ZNF197: variants seen among roughly 807,000 people sequenced by gnomAD.
The protein encoded by ZNF197 is VHL-associated KRAB-A domain-containing protein.
A neutral mutation model predicts 27.4 loss-of-function variants in ZNF197; 14 were observed. That is an observed-to-expected ratio of 0.51 (90% CI 0.34 to 0.80). The LOEUF is 0.80. Ranked by LOEUF, ZNF197 falls within the 30% of genes least tolerant of loss-of-function variation. ZNF197 has a pLI of 0.02. For synonymous variants in ZNF197, 415 were observed against 420.0 expected (o/e 0.99, Z 0.15); for missense variants, 1,090 against 1,222.6 (o/e 0.89, Z 1.62).
At position 44,646,405 on chromosome 3, in the gene ZNF197, C is replaced by T. The variant is rs1224027071; in HGVS notation, c.*2185C>T. The stretch of plus-strand genomic sequence containing the variant: ...GTCACATTGCTTAGATTGAGACAGC[C>T]CACATAATGTGCCACCTTCTGTGAT... On this transcript the variant is annotated 3_prime_UTR_variant, in exon 6 of 6. Coordinates refer to ENST00000344387, the MANE Select transcript of ZNF197 (RefSeq NM_006991.5). 1.2e-6 allele frequency: 2 copies of T among 1,602,920 alleles called. No individual in the cohort carries two copies. Among genetic ancestry groups the T allele is most frequent in the Non-Finnish European group, 1.7e-6 (2 of 1,174,862 alleles).
At chr3:44,630,405 TG>T (rs1701916901) in intron 2 of ZNF197, among the ~76,000 whole-genome samples, 1 of 152,192 alleles carries the variant, frequency 6.6e-6, no homozygotes, top group African/African-American at 2.4e-5. Flanking sequence ...CTCATGTGTG[TG>T]AGATTTCTTT....
chr3:44,638,894 T>A (rs939515535), intron 5 of ZNF197, among the ~76,000 whole-genome samples: 1 of 152,176 alleles, frequency 6.6e-6, no homozygotes, highest in African/African-American at 2.4e-5. Context: ...TATTTTTTTC[T>A]GTAAAGACAG....
At position 44,629,204 on chromosome 3, in the gene ZNF197, T is replaced by A; in HGVS notation, c.50T>A (p.Val17Glu). 1 of 1,613,814 alleles carries A rather than the reference T, an allele frequency of 6.2e-7. No homozygotes were observed. The highest frequency in any genetic ancestry group is 8.5e-7 in the Non-Finnish European group (1 of 1,179,896). ...AATGCTCTGAGACAAGAGGGCCTTG[T>A]GAAGGGGAAGGATGATACCTGGAAA... is the stretch of plus-strand genomic sequence containing the variant. ...AHNALRQEGL[V>E]KGKDDTWKWG... The change falls in exon 2 of 6, where the codon GTG (valine) becomes GAG (glutamate). Residue 17 changes from valine (V) to glutamate (E), a missense_variant. Val to Glu is a moderately radical substitution (Grantham distance 121). Coordinates refer to ENST00000344387, the MANE Select transcript of ZNF197 (RefSeq NM_006991.5).
rs1413201294 is a variant in ZNF197 at position 44,645,740 on chromosome 3, G to A, written c.*1520G>A. The A allele has an allele frequency of 1.0e-6, 1 of 985,246 alleles. No homozygotes were observed. The highest frequency in any genetic ancestry group is 6.1e-5 in the Admixed American group (1 of 16,270). 61.0% of individuals were successfully genotyped at this position (985,246 alleles called of 1,614,324 possible). A position where few individuals can be genotyped will look rare whatever the true frequency, so the allele number is the denominator to read the frequency against. The stretch of plus-strand genomic sequence containing the variant: ...CCTGTTACTAATGAAACAACATTCT[G>A]TCCCAGCACTAAATTTACTGGGACA... On this transcript the variant is annotated 3_prime_UTR_variant, in exon 6 of 6. Transcript: ENST00000344387.
At position 44,640,053 on chromosome 3, in the gene ZNF197, G is replaced by A. The variant is rs141975885; in HGVS notation, c.770-1847G>A. On this transcript the variant is annotated intron_variant, in intron 5 of 5. Coordinates refer to ENST00000344387, the MANE Select transcript of ZNF197 (RefSeq NM_006991.5). The surrounding 1 kb of genome is among the most constrained non-coding windows in gnomAD (Gnocchi z 4.0). ...TTAGGGCAGATGAAAGGCGGGGGGT[G>A]TCAGTGGTAGGAAAGCCTGTGTCTC... Among the ~76,000 whole-genome samples the A allele has an allele frequency of 3.4e-4, 52 of 152,332 alleles. No individual in the cohort carries two copies. Among genetic ancestry groups the A allele is most frequent in the South Asian group, 1.4e-3 (7 of 4,828 alleles).
rs1703073666 is a variant in ZNF197, at chr3:44,648,274, G to A, written c.*4054G>A. On this transcript the variant is annotated 3_prime_UTR_variant, in exon 6 of 6. Coordinates refer to ENST00000344387, the MANE Select transcript of ZNF197 (RefSeq NM_006991.5). ...ATATTCTTAATCTTAAGGGATGCAT[G>A]TTGAAGTATTTGGAATGAAGTGTTC... 6.6e-6 allele frequency: 1 copy of A among 152,134 alleles called. No homozygotes were observed. Among genetic ancestry groups the A allele is most frequent in the Non-Finnish European group, 1.5e-5 (1 of 68,026 alleles). 9.4% of individuals were successfully genotyped at this position (152,134 alleles called of 1,614,324 possible). A position where few individuals can be genotyped will look rare whatever the true frequency, so the allele number is the denominator to read the frequency against.
intron 5 of ZNF197, among the ~76,000 whole-genome samples, chr3:44,638,843 C>T (rs1702446131): frequency 6.6e-6 from 1 of 152,156 alleles, no homozygotes; most frequent in African/African-American, 2.4e-5. Flanking sequence ...TCTAGGACCA[C>T]AGGCACACAC....
Position 44,646,056 on chromosome 3 carries a change from TG to T in ZNF197, c.*1841del, listed in dbSNP as rs941462631. 2.0e-6 allele frequency: 2 copies of T among 985,298 alleles called. No homozygotes were observed. The highest frequency in any genetic ancestry group is 3.5e-5 in the African/African-American group (2 of 57,236). 61.0% of individuals were successfully genotyped at this position (985,298 alleles called of 1,614,324 possible). A position where few individuals can be genotyped will look rare whatever the true frequency, so the allele number is the denominator to read the frequency against. On this transcript the variant is annotated 3_prime_UTR_variant, in exon 6 of 6. Coordinates refer to ENST00000344387, the MANE Select transcript of ZNF197 (RefSeq NM_006991.5). The stretch of plus-strand genomic sequence containing the variant: ...TTATTAATTCAACCCCACAGTTTCT[TG>T]GGGGCTGGTTCCTCATTAGAGTGAA...
chr3:44,628,128 ATT>A (rs1701772144), intron 1 of ZNF197, among the ~76,000 whole-genome samples: 1 of 152,216 alleles, frequency 6.6e-6, no homozygotes, highest in South Asian at 2.1e-4. Flanking sequence ...GTAACTAAAA[ATT>A]TGTTATCAAG....
chr3:44,646,448 G>A lies in ZNF197; in HGVS notation c.*2228G>A. The A allele has an allele frequency of 6.2e-7, 1 of 1,613,194 alleles. No homozygotes were observed. Among genetic ancestry groups the A allele is most frequent in the South Asian group, 1.1e-5 (1 of 90,898 alleles). On this transcript the variant is annotated 3_prime_UTR_variant, in exon 6 of 6. Coordinates refer to ENST00000344387, the MANE Select transcript of ZNF197 (RefSeq NM_006991.5). ...TCTGTGATGTAATAAGCTGAAAAAT[G>A]TTCAACCTGAATTTAATCAAGCTTC...
chr3:44,629,359 C>G lies in ZNF197; in HGVS notation c.205C>G (p.Arg69Gly). 2.5e-6 allele frequency: 4 copies of G among 1,614,108 alleles called. No homozygotes were observed. The highest frequency in any genetic ancestry group is 3.4e-6 in the Non-Finnish European group (4 of 1,180,014). ...ALSRLRELCR[R>G]WLRPEARTKA... Reference sequence around the variant, plus strand: ...GAGCCGGCTCAGGGAACTCTGTCGCCGGTGGCTGAGACCAGAAGCACGCAC... The same window carrying G: ...GAGCCGGCTCAGGGAACTCTGTCGCGGGTGGCTGAGACCAGAAGCACGCAC... Residue 69 changes from arginine to glycine, a missense_variant, in exon 2 of 6, where the codon CGG (arginine) becomes GGG (glycine). Physicochemically the swap from Arg to Gly is moderately radical, Grantham distance 125. Transcript: ENST00000344387.
Position 44,644,343 on chromosome 3 carries a change from G to T in ZNF197, c.*123G>T. On this transcript the variant is annotated 3_prime_UTR_variant, in exon 6 of 6. Coordinates refer to ENST00000344387, the MANE Select transcript of ZNF197 (RefSeq NM_006991.5). ...TTACTAGACAAATGAGTAGCATATA[G>T]AAGAAAGTTAATAGGCCGGGCTTGG... 7.0e-7 allele frequency: 1 copy of T among 1,426,170 alleles called. No individual in the cohort carries two copies. Among genetic ancestry groups the T allele is most frequent in the Non-Finnish European group, 9.1e-7 (1 of 1,097,052 alleles). 88.3% of individuals were successfully genotyped at this position (1,426,170 alleles called of 1,614,324 possible).
At chr3:44,636,304 CA>C (rs1304837972) in intron 5 of ZNF197, among the ~76,000 whole-genome samples, 5,150 of 77,274 alleles carry the variant, frequency 0.067, 124 homozygotes, top group African/African-American at 0.13. Flanking sequence ...GACTCCGTCT[CA>C]AAAAAAAAAA....
chr3:44,646,373 A>G lies in ZNF197; in HGVS notation c.*2153A>G. 1 of 1,561,940 alleles carries G rather than the reference A, an allele frequency of 6.4e-7. No individual in the cohort carries two copies. On this transcript the variant is annotated 3_prime_UTR_variant, in exon 6 of 6. Coordinates refer to ENST00000344387, the MANE Select transcript of ZNF197 (RefSeq NM_006991.5). ...CTGTGATTTACCTCTTCACCGAGTA[A>G]CAAAATGTCACATTGCTTAGATTGA...
At chr3:44,638,398 G>C (rs1275941233) in intron 5 of ZNF197, among the ~76,000 whole-genome samples, 1 of 151,898 alleles carries the variant, frequency 6.6e-6, no homozygotes, top group African/African-American at 2.4e-5. Context: ...GTGCCACTAT[G>C]TCAGGCTGAT....
At position 44,629,484 on chromosome 3, in the gene ZNF197, C is replaced by G; in HGVS notation, c.330C>G (p.Gly110=). 1 of 1,603,816 alleles carries G rather than the reference C, an allele frequency of 6.2e-7. No individual in the cohort carries two copies. Among genetic ancestry groups the G allele is most frequent in the Non-Finnish European group, 8.5e-7 (1 of 1,175,696 alleles). ...TWVQLHHPGS[G]EEAVALVEEL... The stretch of plus-strand genomic sequence containing the variant: ...TACAGCTCCATCACCCTGGAAGTGG[C>G]GAGGAGGCTGTGGCCCTGGTAGAGG... Residue 110 remains glycine, a synonymous_variant, in exon 2 of 6, where the codon GGC becomes GGG. Transcript: ENST00000344387.
In ZNF197 at chr3:44,640,358, C is replaced by T. The variant is rs1007817149; in HGVS notation, c.770-1542C>T. ...AGCAGCCCTCCTCTCCATCAGCATTCTCTTTGTTTTTTGTTTGTTTTGTTC... is the reference window on the plus strand; with the variant it reads ...AGCAGCCCTCCTCTCCATCAGCATTTTCTTTGTTTTTTGTTTGTTTTGTTC... On this transcript the variant is annotated intron_variant, in intron 5 of 5. Transcript: ENST00000344387. This position sits in a 1 kb window ranked among gnomAD's most constrained non-coding sequence, Gnocchi z 4.0. 2.0e-5 allele frequency among the ~76,000 whole-genome samples: 3 copies of T among 152,032 alleles called. No homozygotes were observed. The highest frequency in any genetic ancestry group is 1.3e-4 in the Admixed American group (2 of 15,254).
intron 5 of ZNF197, among the ~76,000 whole-genome samples, chr3:44,634,280 T>C (rs1371086910): frequency 6.6e-6 from 1 of 152,226 alleles, no homozygotes; most frequent in Non-Finnish European, 1.5e-5. Context: ...ATAGAACTAC[T>C]GCTAATGCTT....
intron 5 of ZNF197, among the ~76,000 whole-genome samples, chr3:44,637,800 A>G (rs1229434122): frequency 6.6e-6 from 1 of 152,186 alleles, no homozygotes; most frequent in Non-Finnish European, 1.5e-5. Flanking sequence ...TAAAGTCTCA[A>G]ATCTAGTCCT....
Sources: gnomAD v4.1 joint callset for allele counts (sites outside exome capture counted in the v4.1 genomes callset) on GRCh38, gnomAD v4.1.1 for gene constraint, Gnocchi (gnomAD v3.1) non-coding constraint, MANE v1.5 for transcripts, NCBI Gene and HGNC (gene_info 2026-07-23, HGNC 2026-07-21) for gene names.